Variants in ADAMTSL3 observed in about 807,000 individuals in gnomAD.
ADAMTSL3 encodes ADAMTS-like protein 3.
In ADAMTSL3, 128 loss-of-function variants were observed where a neutral mutation model predicts 201.7. The ratio of observed to expected loss-of-function variants is 0.63; its 90% confidence interval spans 0.55 to 0.73. The LOEUF is 0.73. Ranked by LOEUF, ADAMTSL3 falls within the 30% of genes least tolerant of loss-of-function variation. ADAMTSL3 has a pLI of 0.00. For synonymous variants in ADAMTSL3, 738 were observed against 748.4 expected, an observed-to-expected ratio of 0.99 and a Z score of 0.23; for missense variants, 1,990 against 2,119.6, an observed-to-expected ratio of 0.94 and a Z score of 1.20.
intron 29 of ADAMTSL3, among the ~76,000 whole-genome samples, chr15:84,037,318 G>C (rs1302450333): frequency 6.6e-6 from 1 of 152,170 alleles, no homozygotes; most frequent in African/African-American, 2.4e-5. Context: ...CCATGGATGG[G>C]CTTGGGTAGG....
intron 25 of ADAMTSL3, among the ~76,000 whole-genome samples, chr15:84,017,179 G>A (rs570257845): frequency 3.9e-5 from 6 of 152,070 alleles, no homozygotes; most frequent in Non-Finnish European, 7.4e-5. Context: ...GTGCAGTGGC[G>A]TGATCTCAGC....
intron 4 of ADAMTSL3, among the ~76,000 whole-genome samples, chr15:83,790,608 T>C (rs8035886): frequency 0.42 from 63,645 of 151,832 alleles, 13,980 homozygotes; most frequent in East Asian, 0.67. Flanking sequence ...ACTAATATTG[T>C]ATATTATAAT....
At chr15:83,725,711 G>A (rs1192886029) in intron 3 of ADAMTSL3, among the ~76,000 whole-genome samples, 4 of 152,122 alleles carry the variant, frequency 2.6e-5, no homozygotes, top group Non-Finnish European at 5.9e-5. Context: ...CACTGTAGAA[G>A]TATGCATTTA....
chr15:83,680,513 G>T lies in ADAMTSL3; in HGVS notation c.70-23876G>T, dbSNP rs200219975. On this transcript the variant is annotated intron_variant, in intron 2 of 29. Transcript: ENST00000286744. Reference sequence around the variant, plus strand: ...TTTTGATTGGCACACCTTAGTTGTTGTTTTTTTTTTTTTTGACTTAGGAAT... The same window carrying T: ...TTTTGATTGGCACACCTTAGTTGTTTTTTTTTTTTTTTTTGACTTAGGAAT... Among the ~76,000 whole-genome samples, 437 of 134,460 alleles carry T rather than the reference G, an allele frequency of 3.3e-3. 6 individuals are homozygous for T. The highest frequency in any genetic ancestry group is 0.028 in the East Asian group (127 of 4,532). 88.2% of individuals were successfully genotyped at this position (134,460 alleles called of 152,430 possible). A position where few individuals can be genotyped will look rare whatever the true frequency, so the allele number is the denominator to read the frequency against.
chr15:84,024,678 A>G (rs569546371), intron 26 of ADAMTSL3, among the ~76,000 whole-genome samples: 1 of 152,234 alleles, frequency 6.6e-6, no homozygotes, highest in Non-Finnish European at 1.5e-5. Context: ...TCAGTCTCCT[A>G]TAATCATTAA....
chr15:84,037,632 A>G (rs1341210697), intron 29 of ADAMTSL3, 68 bp from the exon 30 acceptor site: 1 of 1,475,748 alleles, frequency 6.8e-7, no homozygotes, highest in East Asian at 2.3e-5. Context: ...GCTTTTCATA[A>G]AGTCAAATAA....
At chr15:83,952,633 C>G (rs1008044946) in intron 19 of ADAMTSL3, among the ~76,000 whole-genome samples, 16 of 151,958 alleles carry the variant, frequency 1.1e-4, no homozygotes, top group African/African-American at 3.9e-4. Flanking sequence ...GTGTTTAGTG[C>G]ATATATGTTT....
intron 2 of ADAMTSL3, among the ~76,000 whole-genome samples, chr15:83,672,229 A>G (rs2061338159): frequency 6.6e-6 from 1 of 152,216 alleles, no homozygotes; most frequent in Non-Finnish European, 1.5e-5. Flanking sequence ...TATAAAATGG[A>G]TACTCTGAGT....
At chr15:83,902,031 C>A (rs2141922817) in intron 15 of ADAMTSL3, among the ~76,000 whole-genome samples, 1 of 152,254 alleles carries the variant, frequency 6.6e-6, no homozygotes, top group East Asian at 1.9e-4. Context: ...TCTTTCTTGG[C>A]TCCTTCTCAT....
chr15:84,030,702 A>G (rs1240966529), intron 27 of ADAMTSL3, among the ~76,000 whole-genome samples: 1 of 152,184 alleles, frequency 6.6e-6, no homozygotes, highest in African/African-American at 2.4e-5. Context: ...GAAATGTGAA[A>G]GGGACATGAG....
At chr15:83,668,506 A>T (rs2585038) in intron 2 of ADAMTSL3, among the ~76,000 whole-genome samples, 1 of 151,732 alleles carries the variant, frequency 6.6e-6, no homozygotes, top group East Asian at 1.9e-4. Flanking sequence ...TTCTGTGTGT[A>T]TGTGTGTTTG....
chr15:83,782,590 G>A (rs1468874794), intron 4 of ADAMTSL3, among the ~76,000 whole-genome samples: 1 of 152,146 alleles, frequency 6.6e-6, no homozygotes, highest in Non-Finnish European at 1.5e-5. Context: ...GATGAAGCTG[G>A]AGGCCATTAT....
At chr15:83,809,554 G>T (rs1193477299) in intron 5 of ADAMTSL3, among the ~76,000 whole-genome samples, 1 of 152,178 alleles carries the variant, frequency 6.6e-6, no homozygotes, top group African/African-American at 2.4e-5. Flanking sequence ...TTGCTCACTG[G>T]CAGTGTATCT....
At chr15:83,685,434 G>A (rs1273051713) in intron 2 of ADAMTSL3, among the ~76,000 whole-genome samples, 2 of 152,150 alleles carry the variant, frequency 1.3e-5, no homozygotes, top group Non-Finnish European at 2.9e-5. Context: ...ACTGTCAGAT[G>A]TTCAGAAATA....
chr15:83,863,937 A>G (rs1447423672), intron 8 of ADAMTSL3, among the ~76,000 whole-genome samples: 1 of 152,240 alleles, frequency 6.6e-6, no homozygotes, highest in East Asian at 1.9e-4. Flanking sequence ...GGATATCACC[A>G]CCGATCCCAC....
At chr15:83,903,242 C>T (rs200067683) in intron 15 of ADAMTSL3, among the ~76,000 whole-genome samples, 13 of 133,468 alleles carry the variant, frequency 9.7e-5, no homozygotes, top group East Asian at 4.5e-4. Flanking sequence ...GCTGCCAGAT[C>T]TTTTTTTTTT....
chr15:83,715,385 A>T (rs1255011924), intron 3 of ADAMTSL3, among the ~76,000 whole-genome samples: 2 of 152,194 alleles, frequency 1.3e-5, no homozygotes, highest in African/African-American at 4.8e-5. Context: ...ACATGAATAC[A>T]TTTGGATTAT....
At chr15:83,911,312 A>G (rs919790520) in intron 15 of ADAMTSL3, among the ~76,000 whole-genome samples, 2 of 152,216 alleles carry the variant, frequency 1.3e-5, no homozygotes, top group Non-Finnish European at 2.9e-5. Context: ...ATAGGTATAT[A>G]TAGATAGTGT....
At chr15:83,923,868 A>C in intron 16 of ADAMTSL3, 36 bp from the exon 17 acceptor site, 4 of 1,611,174 alleles carry the variant, frequency 2.5e-6, no homozygotes, top group Non-Finnish European at 3.4e-6. Context: ...AAATTATTCC[A>C]TGTCATTTGC....
Sources: allele counts gnomAD v4.1 joint callset (sites outside exome capture counted in the v4.1 genomes callset), GRCh38; gene constraint gnomAD v4.1.1; transcripts MANE v1.5; gene names NCBI Gene and HGNC (gene_info 2026-07-23, HGNC 2026-07-21).